GRM7: variants seen among roughly 807,000 people sequenced by gnomAD.
GRM7 encodes the protein glutamate metabotropic receptor 7.
In GRM7, 35 loss-of-function variants were observed where a neutral mutation model predicts 84.5. That is an observed-to-expected ratio of 0.41 (90% CI 0.32 to 0.55). GRM7 has a LOEUF of 0.55. GRM7 is among the 20% of genes least tolerant of loss of function. The pLI, the probability that GRM7 is intolerant of heterozygous loss-of-function variation, is 0.19. For missense variants in GRM7, 1,003 were observed against 1,194.6 expected (o/e 0.84, Z 2.36); for synonymous variants, 487 against 455.1 (o/e 1.07, Z -0.89).
chr3:7,388,480 CCTT>C (rs1246320462), intron 4 of GRM7, among the ~76,000 whole-genome samples: 3 of 152,200 alleles, frequency 2.0e-5, no homozygotes, highest in African/African-American at 4.8e-5. Context: ...AGAAGTCTCT[CCTT>C]CTCAATTTTT....
chr3:6,905,575 C>CTCTT (rs1233971424), intron 1 of GRM7, among the ~76,000 whole-genome samples: 1 of 151,612 alleles, frequency 6.6e-6, no homozygotes, highest in African/African-American at 2.4e-5. Flanking sequence ...CTTCCTCTTT[C>CTCTT]TCTCTCCCTC....
At chr3:7,394,262 C>T (rs567393307) in intron 4 of GRM7, among the ~76,000 whole-genome samples, 3 of 152,282 alleles carry the variant, frequency 2.0e-5, no homozygotes, top group East Asian at 3.9e-4. Context: ...ATAAATCCAC[C>T]TACTCAGATA....
rs559583798 is a variant in GRM7, at chr3:7,046,519, T to G, written c.520-99933T>G. 9.2e-5 allele frequency among the ~76,000 whole-genome samples: 14 copies of G among 152,282 alleles called. No individual in the cohort carries two copies. In the East Asian group the frequency reaches 2.7e-3, roughly 29 times the overall value. ...TTTCAGAACTTCCTTTTGTTTCTTA[T>G]CTTTTTGAGAATTTGGCAACAGCCA... On this transcript the variant is annotated intron_variant, in intron 1 of 9. Transcript: ENST00000357716.
At chr3:7,396,234 A>T (rs1314551895) in intron 4 of GRM7, among the ~76,000 whole-genome samples, 1 of 152,112 alleles carries the variant, frequency 6.6e-6, no homozygotes. Context: ...CCTCCTAATG[A>T]CATGTTGAGT....
rs539990245 is a variant in GRM7, at chr3:7,300,735, T to A, written c.878+1910T>A. On this transcript the variant is annotated intron_variant, in intron 3 of 9. Transcript: ENST00000357716. ...TAGTGCTGTCCTCTCAGGGAAGATT[T>A]CTCTGATCAATGTCACTTTGGAAAA... Among the ~76,000 whole-genome samples, 86 of 152,088 alleles carry A rather than the reference T, an allele frequency of 5.7e-4. 2 individuals are homozygous for A. The South Asian group carries it at 0.018, about 31-fold the overall frequency.
chr3:7,223,355 T>A (rs1696874304), intron 2 of GRM7, among the ~76,000 whole-genome samples: 1 of 152,122 alleles, frequency 6.6e-6, no homozygotes, highest in South Asian at 2.1e-4. Flanking sequence ...CTCTTACTAC[T>A]ACAATATTAT....
intron 9 of GRM7, among the ~76,000 whole-genome samples, chr3:7,693,005 A>C (rs1445903266): frequency 6.6e-6 from 1 of 151,248 alleles, no homozygotes; most frequent in Non-Finnish European, 1.5e-5. Context: ...TCGATATTGC[A>C]AAGACCACTG....
At chr3:7,159,689 A>T (rs1411573493) in intron 2 of GRM7, among the ~76,000 whole-genome samples, 1 of 152,140 alleles carries the variant, frequency 6.6e-6, no homozygotes, top group Non-Finnish European at 1.5e-5. Flanking sequence ...CTCTACTCAC[A>T]TTAGAAATGT....
At chr3:7,268,955 G>A (rs1442689394) in intron 2 of GRM7, among the ~76,000 whole-genome samples, 1 of 152,190 alleles carries the variant, frequency 6.6e-6, no homozygotes. Flanking sequence ...TTGTTTTGGG[G>A]AGGGAGAGCG....
intron 2 of GRM7, among the ~76,000 whole-genome samples, chr3:7,253,712 G>C (rs1698093594): frequency 6.6e-6 from 1 of 151,938 alleles, no homozygotes; most frequent in East Asian, 1.9e-4. Flanking sequence ...AGGAAACTGA[G>C]GCACAGAGAA....
At chr3:7,165,619 A>T (rs1479438126) in intron 2 of GRM7, among the ~76,000 whole-genome samples, 1 of 152,204 alleles carries the variant, frequency 6.6e-6, no homozygotes, top group Non-Finnish European at 1.5e-5. Flanking sequence ...AGCTAATTCG[A>T]TATCTATACA....
chr3:7,435,394 G>C (rs1341168261), intron 5 of GRM7, among the ~76,000 whole-genome samples: 1 of 152,030 alleles, frequency 6.6e-6, no homozygotes, highest in Non-Finnish European at 1.5e-5. Context: ...GAGCTCAAGA[G>C]ATCCACCCAC....
chr3:7,463,724 A>T (rs571431517), intron 7 of GRM7, among the ~76,000 whole-genome samples: 87 of 152,326 alleles, frequency 5.7e-4, no homozygotes, highest in Non-Finnish European at 1.0e-3. Flanking sequence ...GGCTGATGTG[A>T]TGATGATTTA....
chr3:7,192,052 T>C (rs1695726632), intron 2 of GRM7, among the ~76,000 whole-genome samples: 1 of 152,118 alleles, frequency 6.6e-6, no homozygotes, highest in Non-Finnish European at 1.5e-5. Context: ...AGAATGTTCA[T>C]TTCATAGACT....
intron 7 of GRM7, among the ~76,000 whole-genome samples, chr3:7,574,652 G>A (rs570578633): frequency 6.6e-6 from 1 of 152,176 alleles, no homozygotes; most frequent in Non-Finnish European, 1.5e-5. Context: ...TGAATGTCTT[G>A]CTCATAGCTT....
chr3:7,703,441 C>CT (rs5846532), intron 9 of GRM7, among the ~76,000 whole-genome samples: 78,874 of 149,638 alleles, frequency 0.53, 21,527 homozygotes, highest in East Asian at 0.84. Context: ...CACATTAAGA[C>CT]TTTTTTTTTT....
chr3:7,515,211 CAAAAAAA>C (rs35576148), intron 7 of GRM7, among the ~76,000 whole-genome samples: 1 of 128,812 alleles, frequency 7.8e-6, no homozygotes, highest in Non-Finnish European at 1.6e-5. Flanking sequence ...TGTAGAAGGA[CAAAAAAA>C]AAAAAAAAAA....
At chr3:7,306,445 A>G (rs1700196609) in intron 3 of GRM7, 53 bp from the exon 4 acceptor site, 2 of 1,504,446 alleles carry the variant, frequency 1.3e-6, no homozygotes, top group African/African-American at 2.7e-5. Flanking sequence ...ATCTACACGG[A>G]TTCAGCTGAC....
intron 1 of GRM7, among the ~76,000 whole-genome samples, chr3:7,077,849 C>A (rs901310749): frequency 2.6e-5 from 4 of 152,104 alleles, no homozygotes; most frequent in South Asian, 4.1e-4. Flanking sequence ...TTGTTCCATA[C>A]CACTTTATAT....
Sources: allele counts gnomAD v4.1 joint callset (sites outside exome capture counted in the v4.1 genomes callset), GRCh38; gene constraint gnomAD v4.1.1; transcripts MANE v1.5; gene names NCBI Gene and HGNC (gene_info 2026-07-23, HGNC 2026-07-21).